ERAP1: variants seen among roughly 807,000 people sequenced by gnomAD.
ERAP1 encodes the protein endoplasmic reticulum aminopeptidase 1.
A neutral mutation model predicts 103.7 loss-of-function variants in ERAP1; 86 were observed. That is an observed-to-expected ratio of 0.83 (90% CI 0.70 to 0.99). The LOEUF is 0.99. Ranked by LOEUF, ERAP1 falls within the 50% of genes least tolerant of loss-of-function variation. ERAP1 has a pLI of 0.00. For missense variants in ERAP1, 1,009 were observed against 1,128.4 expected, an observed-to-expected ratio of 0.89 and a Z score of 1.52; for synonymous variants, 398 against 402.4, an observed-to-expected ratio of 0.99 and a Z score of 0.13.
intron 8 of ERAP1, among the ~76,000 whole-genome samples, chr5:96,790,979 G>A (rs1213453161): frequency 6.6e-6 from 1 of 152,212 alleles, no homozygotes; most frequent in South Asian, 2.1e-4. Flanking sequence ...TGGACCTTGA[G>A]CTACTACCTG....
chr5:96,776,732 G>GAA, intron 18 of ERAP1, 181 bp from the exon 19 acceptor site: 1 of 800,266 alleles, frequency 1.2e-6, no homozygotes, highest in Non-Finnish European at 1.9e-6. Flanking sequence ...GCCTCATGAT[G>GAA]TCAAGTTCTG....
the ERAP1 span, among the ~76,000 whole-genome samples, chr5:96,915,305 A>C: frequency 1.3e-5 from 2 of 152,176 alleles, no homozygotes; most frequent in Non-Finnish European, 2.9e-5. Flanking sequence ...CACCGCGCCC[A>C]GCCCATATAA....
the ERAP1 span, chr5:96,901,473 C>G: frequency 6.2e-6 from 10 of 1,607,814 alleles, no homozygotes; most frequent in Middle Eastern, 1.7e-4. Flanking sequence ...TGTCTCCTCT[C>G]TCTTGAGTTA....
chr5:96,920,209 G>A, the ERAP1 span, among the ~76,000 whole-genome samples: 1 of 152,016 alleles, frequency 6.6e-6, no homozygotes, highest in Non-Finnish European at 1.5e-5. Context: ...GGAGGCTGAG[G>A]TGAGAGGATC....
chr5:96,916,526 C>T, the ERAP1 span, among the ~76,000 whole-genome samples: 1 of 134,906 alleles, frequency 7.4e-6, no homozygotes, highest in African/African-American at 2.8e-5. Context: ...CAGTGGCTTG[C>T]GATCTCGGCT....
At chr5:96,911,450 T>C in the ERAP1 span, among the ~76,000 whole-genome samples, 1 of 152,322 alleles carries the variant, frequency 6.6e-6, no homozygotes, top group Admixed American at 6.5e-5. Flanking sequence ...TAGTGGTGTC[T>C]TTTGTAGAAG....
chr5:96,793,635 TA>T, intron 6 of ERAP1, 122 bp from the exon 7 acceptor site: 4 of 1,098,860 alleles, frequency 3.6e-6, no homozygotes, highest in Admixed American at 2.3e-5. Context: ...AAGGTAAAAA[TA>T]AAAAAAGTTC....
the ERAP1 span, among the ~76,000 whole-genome samples, chr5:96,819,999 C>T: frequency 4.6e-5 from 7 of 152,198 alleles, no homozygotes; most frequent in Non-Finnish European, 1.5e-5. Flanking sequence ...GAAGGAGTCA[C>T]TTCACCCATA....
At chr5:96,898,265 A>G in the ERAP1 span, among the ~76,000 whole-genome samples, 2 of 152,034 alleles carry the variant, frequency 1.3e-5, no homozygotes, top group Non-Finnish European at 2.9e-5. Flanking sequence ...AAGCACTTTC[A>G]TGTTGATTAT....
intron 19 of ERAP1, among the ~76,000 whole-genome samples, chr5:96,766,855 T>C: frequency 7.0e-6 from 1 of 142,730 alleles, no homozygotes; most frequent in East Asian, 2.3e-4. Context: ...TTCATTTTGG[T>C]GAGTAAGATG....
chr5:96,850,449 G>A, the ERAP1 span, among the ~76,000 whole-genome samples: 116 of 152,198 alleles, frequency 7.6e-4, no homozygotes, highest in South Asian at 0.014. Flanking sequence ...GACATTTCTC[G>A]TAGAAAGACA....
chr5:96,807,755 T>A, intron 1 of ERAP1, 105 bp downstream of exon 1: 1 of 818,846 alleles, frequency 1.2e-6, no homozygotes. Flanking sequence ...CCTCCTCCCG[T>A]GCCCCAGGCC....
the ERAP1 span, among the ~76,000 whole-genome samples, chr5:96,900,748 C>T: frequency 6.6e-6 from 1 of 152,176 alleles, no homozygotes; most frequent in African/African-American, 2.4e-5. Context: ...ACAATCTCAG[C>T]TCACTGCAAC....
the ERAP1 span, chr5:96,895,123 G>A: frequency 8.3e-6 from 5 of 600,244 alleles, no homozygotes; most frequent in Admixed American, 3.4e-5. Context: ...AGAGAAAAGG[G>A]TAGCAAAGAG....
chr5:96,861,235 C>T, the ERAP1 span, among the ~76,000 whole-genome samples: 1 of 152,186 alleles, frequency 6.6e-6, no homozygotes, highest in Non-Finnish European at 1.5e-5. Context: ...CTGTGGCTTC[C>T]AGAAGCAGGT....
the ERAP1 span, chr5:96,822,957 G>A: frequency 6.9e-6 from 3 of 435,316 alleles, no homozygotes; most frequent in South Asian, 4.9e-5. Context: ...ACTGGAGAGG[G>A]ATCCACTTTC....
the ERAP1 span, among the ~76,000 whole-genome samples, chr5:96,847,828 A>C: frequency 6.6e-6 from 1 of 152,250 alleles, no homozygotes; most frequent in Non-Finnish European, 1.5e-5. Context: ...AGCAATTCTA[A>C]CAGAGAAGTT....
upstream of ERAP1, among the ~76,000 whole-genome samples, chr5:96,809,485 C>G (rs965103318): frequency 2.6e-5 from 4 of 152,158 alleles, no homozygotes; most frequent in African/African-American, 7.2e-5. Context: ...GATTCCAAGT[C>G]ACTGCAACAG....
the ERAP1 span, among the ~76,000 whole-genome samples, chr5:96,925,689 T>A: frequency 6.6e-6 from 1 of 152,162 alleles, no homozygotes; most frequent in Non-Finnish European, 1.5e-5. Flanking sequence ...ACTTCCAGAG[T>A]GAAGATTTCT....
Sources: allele counts gnomAD v4.1 joint callset (sites outside exome capture counted in the v4.1 genomes callset), GRCh38; gene constraint gnomAD v4.1.1; transcripts MANE v1.5; gene names NCBI Gene and HGNC (gene_info 2026-07-23, HGNC 2026-07-21).